The following BAZ2B variants were observed in gnomAD, a reference collection of about 807,000 sequenced individuals.
BAZ2B encodes bromodomain adjacent to zinc finger domain protein 2B.
In BAZ2B, 91 loss-of-function variants were observed where a neutral mutation model predicts 246.0. The ratio of observed to expected loss-of-function variants is 0.37; its 90% CI spans 0.31 to 0.44. BAZ2B has a LOEUF of 0.44. Ranked by LOEUF, BAZ2B falls within the 20% of genes least tolerant of loss-of-function variation. BAZ2B has a pLI of 1.00. For synonymous variants in BAZ2B, 855 were observed against 860.0 expected (o/e 0.99, Z 0.10); for missense variants, 2,332 against 2,533.7 (o/e 0.92, Z 1.71).
chr2:159,561,496 A>T (rs2089866897), intron 1 of BAZ2B, among the ~76,000 whole-genome samples: 1 of 152,238 alleles, frequency 6.6e-6, no homozygotes, highest in African/African-American at 2.4e-5. Context: ...GTATTCCTTT[A>T]GAGCAACACA....
chr2:159,365,792 G>C (rs2149334660), intron 27 of BAZ2B, among the ~76,000 whole-genome samples: 1 of 152,302 alleles, frequency 6.6e-6, no homozygotes, highest in East Asian at 1.9e-4. Context: ...AGACCACATA[G>C]GTTGTCCTTA....
At chr2:159,462,678 T>A in intron 3 of BAZ2B, 1 of 1,233,810 alleles carries the variant, frequency 8.1e-7, no homozygotes, top group East Asian at 2.3e-5. Flanking sequence ...ACCTGAATCT[T>A]AAGCACTCCA....
intron 2 of BAZ2B, among the ~76,000 whole-genome samples, chr2:159,519,550 T>G (rs2083888222): frequency 1.3e-5 from 2 of 151,576 alleles, no homozygotes; most frequent in African/African-American, 4.8e-5. Context: ...TTTTCTAAAG[T>G]CAGGTTCTTA....
chr2:159,693,157 T>C, the BAZ2B span: 11 of 147,324 alleles, frequency 7.5e-5, no homozygotes, highest in African/African-American at 2.8e-4. Flanking sequence ...ATGGTATCAA[T>C]ACATACAATT....
chr2:159,686,995 T>C, the BAZ2B span, among the ~76,000 whole-genome samples: 1 of 145,882 alleles, frequency 6.9e-6, no homozygotes, highest in Non-Finnish European at 1.5e-5. Flanking sequence ...TGAGCCGAGA[T>C]TGCGCCACTA....
In BAZ2B at chr2:159,422,559, G is replaced by A. The variant is rs556633778; in HGVS notation, c.2466+5382C>T. On this transcript the variant is annotated intron_variant, in intron 13 of 36. Coordinates refer to ENST00000392783, the MANE Select transcript of BAZ2B (RefSeq NM_013450.4). Reference sequence around the variant, plus strand: ...TAGACATATGCAGAATATTGAAACTGGACCTCTTCCTTTCACCATATACAA... The same window carrying A: ...TAGACATATGCAGAATATTGAAACTAGACCTCTTCCTTTCACCATATACAA... Among the ~76,000 whole-genome samples the A allele has an allele frequency of 5.9e-5, 9 of 152,188 alleles. No individual in the cohort carries two copies. The South Asian group carries it at 1.5e-3, about 25-fold the overall frequency.
chr2:159,438,256 A>G, intron 8 of BAZ2B, 47 bp downstream of exon 8: 1 of 1,509,058 alleles, frequency 6.6e-7, no homozygotes, highest in Non-Finnish European at 9.0e-7. Context: ...TAGAAGCTCT[A>G]TCTTTCTCTA....
At chr2:159,483,493 T>C (rs1360836706) in intron 2 of BAZ2B, among the ~76,000 whole-genome samples, 1 of 152,170 alleles carries the variant, frequency 6.6e-6, no homozygotes, top group East Asian at 1.9e-4. Flanking sequence ...AAAATTTAAC[T>C]AGGCTTGGCG....
At chr2:159,389,221 G>T (rs2149581095) in intron 21 of BAZ2B, 124 bp downstream of exon 21, 4 of 1,040,912 alleles carry the variant, frequency 3.8e-6, no homozygotes, top group Non-Finnish European at 5.3e-6. Flanking sequence ...CCTAGAGTTG[G>T]AAATTCACTG....
At chr2:159,710,269 C>T in the BAZ2B span, among the ~76,000 whole-genome samples, 6 of 149,646 alleles carry the variant, frequency 4.0e-5, no homozygotes, top group South Asian at 1.0e-3. Context: ...AGTGCAGTGG[C>T]ATGATCTTGG....
At chr2:159,612,868 C>T (rs1021994729) in intron 1 of BAZ2B, among the ~76,000 whole-genome samples, 1 of 151,992 alleles carries the variant, frequency 6.6e-6, no homozygotes, top group African/African-American at 2.4e-5. Flanking sequence ...CACTGCAGTT[C>T]TATAATAAAC....
chr2:159,641,737 T>C, the BAZ2B span, among the ~76,000 whole-genome samples: 1 of 152,138 alleles, frequency 6.6e-6, no homozygotes, highest in Non-Finnish European at 1.5e-5. Context: ...TTTTTGTATA[T>C]GGTGTAAGGA....
the BAZ2B span, among the ~76,000 whole-genome samples, chr2:159,626,920 G>T: frequency 1.3e-5 from 2 of 152,058 alleles, no homozygotes; most frequent in Non-Finnish European, 2.9e-5. Context: ...TAGACCACCT[G>T]CCAGACTAAT....
chr2:159,497,924 C>A (rs1443654300), intron 2 of BAZ2B, among the ~76,000 whole-genome samples: 3 of 152,136 alleles, frequency 2.0e-5, no homozygotes, highest in Non-Finnish European at 4.4e-5. Flanking sequence ...TAAATATACG[C>A]CCTAGTGTTC....
At chr2:159,352,702 C>G (rs2058689792) in intron 27 of BAZ2B, among the ~76,000 whole-genome samples, 1 of 152,152 alleles carries the variant, frequency 6.6e-6, no homozygotes, top group Non-Finnish European at 1.5e-5. Context: ...CCAGGCTAGT[C>G]TCAAACTTCT....
chr2:159,370,758 A>C (rs1172467416), intron 27 of BAZ2B, among the ~76,000 whole-genome samples: 1 of 152,152 alleles, frequency 6.6e-6, no homozygotes, highest in Non-Finnish European at 1.5e-5. Flanking sequence ...CATTTCAAAC[A>C]ACCCCTCCTA....
At chr2:159,592,690 G>A (rs916292685) in intron 1 of BAZ2B, among the ~76,000 whole-genome samples, 2 of 152,144 alleles carry the variant, frequency 1.3e-5, no homozygotes, top group Non-Finnish European at 2.9e-5. Context: ...AAGGAAAAAA[G>A]GCGTGCCAAG....
In BAZ2B at chr2:159,325,683, C is replaced by G. The variant is rs2063618651; in HGVS notation, c.6179G>C (p.Arg2060Thr). The change falls in exon 35 of 37, where the codon AGA becomes ACA. Residue 2060 changes from arginine (R) to threonine (T), a missense_variant. By Grantham distance (71) the Arg-to-Thr change is moderately conservative. Coordinates refer to ENST00000392783, the MANE Select transcript of BAZ2B (RefSeq NM_013450.4). ...AAGAGCTAGGTCCTTGGAGTCATCT[C>G]TTTTAGGTTTCTTAACTGAAGTAAA... ...ESFTSVKKPKRDDSKDLALCS... is the reference protein window; with the variant it reads ...ESFTSVKKPKTDDSKDLALCS... The G allele has an allele frequency of 6.3e-7, 1 of 1,594,394 alleles. No individual in the cohort carries two copies. The highest frequency in any genetic ancestry group is 1.2e-5 in the South Asian group (1 of 85,582).
chr2:159,655,040 TTAAAA>T, the BAZ2B span, among the ~76,000 whole-genome samples: 162 of 152,208 alleles, frequency 1.1e-3, 1 homozygote, highest in East Asian at 0.014. Flanking sequence ...AAGAGAGGAA[TTAAAA>T]TAAAATGATA....
Sources: allele counts gnomAD v4.1 joint callset (sites outside exome capture counted in the v4.1 genomes callset), GRCh38; gene constraint gnomAD v4.1.1; transcripts MANE v1.5; gene names NCBI Gene and HGNC (gene_info 2026-07-23, HGNC 2026-07-21).